Variants in ADGRG7 observed in about 807,000 individuals in gnomAD.
ADGRG7 encodes adhesion G protein-coupled receptor G7, also known as G-protein coupled receptor 128.
Under a neutral mutation model 88.6 loss-of-function variants are expected in ADGRG7, and 82 were observed. The ratio of observed to expected loss-of-function variants is 0.93; its 90% CI spans 0.77 to 1.11. The LOEUF (loss-of-function observed/expected upper bound fraction) is 1.11. Among genes scored for constraint, ADGRG7 ranks in the 50% most tolerant of loss-of-function variants. The pLI, the probability that ADGRG7 is intolerant of heterozygous loss-of-function variation, is 0.00. For synonymous variants in ADGRG7, 381 were observed against 345.2 expected (o/e 1.10, Z -1.15); for missense variants, 945 against 953.4 (o/e 0.99, Z 0.12).
intron 1 of ADGRG7, among the ~76,000 whole-genome samples, chr3:100,627,568 G>C (rs629091): frequency 0.31 from 47,274 of 151,954 alleles, 7,759 homozygotes; most frequent in Non-Finnish European, 0.34. Context: ...TAAGGGTTAT[G>C]CTGGCATTAT....
intron 15 of ADGRG7, among the ~76,000 whole-genome samples, chr3:100,679,740 G>A (rs949219216): frequency 5.3e-5 from 8 of 152,162 alleles, no homozygotes; most frequent in Admixed American, 2.0e-4. Context: ...CAAGTAGCTG[G>A]ATTGGGACAC....
chr3:100,663,254 T>C (rs1187032874), intron 14 of ADGRG7, among the ~76,000 whole-genome samples: 4 of 152,134 alleles, frequency 2.6e-5, no homozygotes, highest in Non-Finnish European at 5.9e-5. Context: ...TAAAAATACA[T>C]TATTGCAGCA....
intron 10 of ADGRG7, among the ~76,000 whole-genome samples, chr3:100,647,156 C>T (rs1175406152): frequency 6.6e-6 from 1 of 151,574 alleles, no homozygotes; most frequent in Non-Finnish European, 1.5e-5. Flanking sequence ...GACTCTGTCT[C>T]GAAAACAAAA....
intron 1 of ADGRG7, among the ~76,000 whole-genome samples, chr3:100,611,633 TC>T (rs1707156413): frequency 6.6e-6 from 1 of 152,172 alleles, no homozygotes; most frequent in Non-Finnish European, 1.5e-5. Flanking sequence ...TACCAGCTCC[TC>T]AAAAAGAAAA....
chr3:100,686,121 G>A (rs2094982177), intron 15 of ADGRG7, among the ~76,000 whole-genome samples: 1 of 151,590 alleles, frequency 6.6e-6, no homozygotes. Context: ...TTCTCTGATG[G>A]CCAGTGATGA....
In ADGRG7 at chr3:100,694,863, G is replaced by T; in HGVS notation, c.2256G>T (p.Arg752=). ...GRRKSLPSVT[R]PRLRVKMYNF... is the part of the protein sequence containing the mutation. Reference sequence around the variant, plus strand: ...GGAAGTCATTGCCTTCAGTGACGCGGCCGAGGCTGCGTGTAAAGATGTATA... The same window carrying T: ...GGAAGTCATTGCCTTCAGTGACGCGTCCGAGGCTGCGTGTAAAGATGTATA... The change falls in exon 16 of 16, where the codon CGG becomes CGT. Residue 752 remains arginine (R), a synonymous_variant. Coordinates refer to ENST00000273352, the MANE Select transcript of ADGRG7 (RefSeq NM_032787.3). The T allele has an allele frequency of 6.2e-7, 1 of 1,614,174 alleles. No homozygotes were observed. The highest frequency in any genetic ancestry group is 8.5e-7 in the Non-Finnish European group (1 of 1,180,024).
Position 100,637,908 on chromosome 3 carries a change from C to G in ADGRG7, c.698+506C>G, listed in dbSNP as rs140065144. Among the ~76,000 whole-genome samples, 533 of 152,272 alleles carry G rather than the reference C, an allele frequency of 3.5e-3. 2 individuals are homozygous for G. Among genetic ancestry groups the G allele is most frequent in the African/African-American group, 0.012 (500 of 41,542 alleles). On this transcript the variant is annotated intron_variant, in intron 6 of 15. Transcript: ENST00000273352. ...GGGGTGCCCCGTTTACTCAGCCCACCCCACTCAACCCCTTGCGGGAGGGAA... is the reference window on the plus strand; with the variant it reads ...GGGGTGCCCCGTTTACTCAGCCCACGCCACTCAACCCCTTGCGGGAGGGAA...
At chr3:100,656,457 T>C (rs1490603704) in intron 13 of ADGRG7, among the ~76,000 whole-genome samples, 2 of 152,218 alleles carry the variant, frequency 1.3e-5, no homozygotes, top group African/African-American at 4.8e-5. Flanking sequence ...TGATATGATT[T>C]TAATGAATAT....
intron 14 of ADGRG7, among the ~76,000 whole-genome samples, chr3:100,668,188 T>A (rs148177391): frequency 6.6e-6 from 1 of 152,334 alleles, no homozygotes; most frequent in African/African-American, 2.4e-5. Context: ...GCCTTCTGCG[T>A]CAATCTTGCT....
Position 100,633,316 on chromosome 3 carries a change from T to C in ADGRG7, c.386T>C (p.Ile129Thr), listed in dbSNP as rs775566793. The change falls in exon 4 of 16, where the codon ATA becomes ACA. Residue 129 changes from isoleucine (I) to threonine (T), a missense_variant. Transcript: ENST00000273352. ...RLCSLSLYGE[I>T]ELQKVTIGNC... Reference sequence around the variant, plus strand: ...TGCAGTCTCTCTCTATATGGAGAGATAGAATTACAAAAAGTGACAATAGGA... The same window carrying C: ...TGCAGTCTCTCTCTATATGGAGAGACAGAATTACAAAAAGTGACAATAGGA... 2.1e-5 allele frequency: 33 copies of C among 1,590,052 alleles called. No homozygotes were observed. Among genetic ancestry groups the C allele is most frequent in the Non-Finnish European group, 2.6e-5 (30 of 1,167,548 alleles).
rs745983793 is a variant in ADGRG7, at chr3:100,655,132, G to A, written c.1677G>A (p.Met559Ile). 5 of 1,613,514 alleles carry A rather than the reference G, an allele frequency of 3.1e-6. No homozygotes were observed. The highest frequency in any genetic ancestry group is 4.5e-5 in the East Asian group (2 of 44,884). The part of the protein sequence containing the change: ...AQLYYLLIRT[M>I]KPLPRHFILF... ...TCTATTACCTTCTAATAAGGACCAT[G>A]AAGCCTCTTCCTCGGCATTTCATTC... The change falls in exon 12 of 16, where the codon ATG becomes ATA. Residue 559 changes from methionine to isoleucine, a missense_variant. By Grantham distance (10) the Met-to-Ile change is conservative (BLOSUM62 1). Coordinates refer to ENST00000273352, the MANE Select transcript of ADGRG7 (RefSeq NM_032787.3).
intron 10 of ADGRG7, 58 bp downstream of exon 10, chr3:100,646,782 AGTAGGT>A: frequency 7.3e-7 from 1 of 1,370,180 alleles, no homozygotes; most frequent in Admixed American, 1.8e-5. Context: ...ACACAATTCT[AGTAGGT>A]GCTCCTTGGA....
intron 6 of ADGRG7, 64 bp downstream of exon 6, chr3:100,637,466 G>A: frequency 9.6e-7 from 1 of 1,042,866 alleles, no homozygotes; most frequent in Middle Eastern, 2.1e-4. Flanking sequence ...CTAGGCTAAA[G>A]TATTAACAGA....
chr3:100,630,796 G>T lies in ADGRG7; in HGVS notation c.321G>T (p.Lys107Asn), dbSNP rs778508765. Residue 107 changes from lysine to asparagine, a missense_variant, in exon 3 of 16, where the codon AAG (lysine) becomes AAT (asparagine). Coordinates refer to ENST00000273352, the MANE Select transcript of ADGRG7 (RefSeq NM_032787.3). The part of the protein sequence containing the change: ...RYGPSLQTCG[K>N]DTPNAGNPMA... ...GACCATCCTTGCAAACATGTGGCAA[G>T]GATACTCCAAATGGTATGTGTTTTC... 5 of 1,476,416 alleles carry T rather than the reference G, an allele frequency of 3.4e-6. No individual in the cohort carries two copies. The highest frequency in any genetic ancestry group is 2.6e-5 in the East Asian group (1 of 37,818). The allele number at this position is 1,476,416 out of a possible 1,614,324, so 91.5% of individuals were successfully genotyped here.
chr3:100,664,939 C>G, intron 14 of ADGRG7: 2 of 330,200 alleles, frequency 6.1e-6, no homozygotes, highest in Middle Eastern at 2.3e-3. Flanking sequence ...TTCTTTACTG[C>G]AGAAAACAAA....
At chr3:100,622,582 T>TA (rs1222936848) in intron 1 of ADGRG7, among the ~76,000 whole-genome samples, 2 of 152,236 alleles carry the variant, frequency 1.3e-5, no homozygotes, top group Non-Finnish European at 2.9e-5. Context: ...TTTGCCCACT[T>TA]AAAAAAAGCG....
chr3:100,626,810 G>A (rs1707386479), intron 1 of ADGRG7, among the ~76,000 whole-genome samples: 1 of 152,088 alleles, frequency 6.6e-6, no homozygotes, highest in South Asian at 2.1e-4. Flanking sequence ...TCTGAACAAT[G>A]AGATCTTGTT....
intron 15 of ADGRG7, among the ~76,000 whole-genome samples, chr3:100,687,155 G>A (rs2094984186): frequency 1.3e-5 from 2 of 152,284 alleles, no homozygotes; most frequent in South Asian, 4.1e-4. Flanking sequence ...GTGAATGGGA[G>A]TTCACTCATG....
In ADGRG7 at chr3:100,656,013, T is replaced by C. The variant is rs975238076; in HGVS notation, c.1823+18T>C. The C allele has an allele frequency of 1.1e-5, 16 of 1,475,038 alleles. No individual in the cohort carries two copies. The highest frequency in any genetic ancestry group is 1.4e-5 in the African/African-American group (1 of 72,248). 91.4% of individuals were successfully genotyped at this position (1,475,038 alleles called of 1,614,324 possible). A position where few individuals can be genotyped will look rare whatever the true frequency, so the allele number is the denominator to read the frequency against. ...GAGAAAATGTGAGTTTATATTTTTTTAAATGTCCAATTGTTTGACCTAAAA... is the reference window on the plus strand; with the variant it reads ...GAGAAAATGTGAGTTTATATTTTTTCAAATGTCCAATTGTTTGACCTAAAA... On this transcript the variant is annotated intron_variant, in intron 13 of 15. Coordinates refer to ENST00000273352, the MANE Select transcript of ADGRG7 (RefSeq NM_032787.3).
Sources: allele counts gnomAD v4.1 joint callset (sites outside exome capture counted in the v4.1 genomes callset), GRCh38; gene constraint gnomAD v4.1.1; transcripts MANE v1.5; gene names NCBI Gene and HGNC (gene_info 2026-07-23, HGNC 2026-07-21).